The following URB1 variants were observed in gnomAD, a reference collection of about 807,000 sequenced individuals.
URB1 encodes the protein nucleolar pre-ribosomal-associated protein 1.
URB1 carries 197 observed loss-of-function variants against 242.3 expected under a neutral mutation model. The ratio of observed to expected loss-of-function variants is 0.81; its 90% CI spans 0.72 to 0.91. The LOEUF (loss-of-function observed/expected upper bound fraction) is 0.91. URB1 is among the 40% of genes least tolerant of loss of function. The pLI is 0.00. For missense variants in URB1, 2,721 were observed against 2,860.5 expected (o/e 0.95, Z 1.11); for synonymous variants, 1,153 against 1,201.8 (o/e 0.96, Z 0.84).
intron 10 of URB1, among the ~76,000 whole-genome samples, chr21:32,364,194 A>AGTAG (rs944110534): frequency 6.6e-6 from 1 of 152,140 alleles, no homozygotes; most frequent in African/African-American, 2.4e-5. Flanking sequence ...GCAGAGACTG[A>AGTAG]GTAGGGTTCA....
intron 4 of URB1, among the ~76,000 whole-genome samples, chr21:32,379,265 ATCTAAGGAAC>A (rs1340561036): frequency 6.6e-6 from 1 of 152,216 alleles, no homozygotes; most frequent in Non-Finnish European, 1.5e-5. Context: ...CTCGTTTTGT[ATCTAAGGAAC>A]TCAAGGCATG....
At chr21:32,392,014 A>G (rs2033644535) in intron 1 of URB1, among the ~76,000 whole-genome samples, 1 of 146,794 alleles carries the variant, frequency 6.8e-6, no homozygotes, top group Non-Finnish European at 1.5e-5. Context: ...ACAGAGCAAG[A>G]CCCTGTCGTT....
intron 8 of URB1, among the ~76,000 whole-genome samples, chr21:32,370,515 G>A (rs946861169): frequency 2.0e-5 from 3 of 152,176 alleles, no homozygotes; most frequent in Non-Finnish European, 4.4e-5. Flanking sequence ...TTTATGTAGT[G>A]CACAACACAT....
At chr21:32,341,382 A>G in intron 25 of URB1, 84 bp downstream of exon 25, 2 of 1,362,984 alleles carry the variant, frequency 1.5e-6, no homozygotes, top group Non-Finnish European at 2.0e-6. Context: ...GATTATGCTA[A>G]TAACAAGCTA....
At position 32,354,010 on chromosome 21, in the gene URB1, G is replaced by A. The variant is rs375753739; in HGVS notation, c.2339C>T (p.Thr780Met). 30 of 1,551,626 alleles carry A rather than the reference G, an allele frequency of 1.9e-5. No individual in the cohort carries two copies. The highest frequency in any genetic ancestry group is 1.5e-4 in the African/African-American group (11 of 73,028). Residue 780 changes from threonine (T) to methionine (M), a missense_variant, in exon 18 of 39, where the codon ACG becomes ATG. Transcript: ENST00000382751. ...FTLSEDMILL[T>M]FPFSAVVPAA... is the part of the protein sequence containing the mutation. ...AGGGACTACCGCACTGAATGGGAACGTGAGCAGGATCATGTCTTCACTCAA... is the reference window on the plus strand; with the variant it reads ...AGGGACTACCGCACTGAATGGGAACATGAGCAGGATCATGTCTTCACTCAA...
intron 30 of URB1, among the ~76,000 whole-genome samples, chr21:32,332,492 T>A (rs372192681): frequency 5.8e-3 from 9 of 1,540 alleles, no homozygotes; most frequent in African/African-American, 0.012. Context: ...AAAAAAAAAA[T>A]CCCCAAACTC....
intron 8 of URB1, among the ~76,000 whole-genome samples, chr21:32,370,238 A>G (rs1007151830): frequency 2.6e-5 from 4 of 152,284 alleles, no homozygotes; most frequent in African/African-American, 9.6e-5. Context: ...CATCCCCCTT[A>G]TAAATTGAGT....
chr21:32,381,426 TAAA>T (rs5843552), intron 4 of URB1, among the ~76,000 whole-genome samples: 1 of 137,112 alleles, frequency 7.3e-6, no homozygotes, highest in Admixed American at 7.3e-5. Flanking sequence ...ATATATTCAT[TAAA>T]AAAAAAAAAA....
In URB1 at chr21:32,389,732, G is replaced by A. The variant is rs573134959; in HGVS notation, c.142+3037C>T. Among the ~76,000 whole-genome samples, 10 of 152,324 alleles carry A rather than the reference G, an allele frequency of 6.6e-5. No individual in the cohort carries two copies. In the South Asian group the frequency reaches 2.1e-3, roughly 32 times the overall value. On this transcript the variant is annotated intron_variant, in intron 1 of 38. Coordinates refer to ENST00000382751, the MANE Select transcript of URB1 (RefSeq NM_014825.3). ...GGAGATCAAGAGTTTAACCATTAGT[G>A]TACTCTCTTACAGTATGGCCTTTTC...
At position 32,347,665 on chromosome 21, in the gene URB1, A is replaced by G; in HGVS notation, c.3159T>C (p.Leu1053=). The stretch of plus-strand genomic sequence containing the variant: ...TCGGGGCACTTGCTGCCAGCAGCTG[A>G]AGGACCCCTGCACTAAAGTGGGTGG... The part of the protein sequence containing the change: ...LLATHFSAGV[L]QLLAASAPIL... The change falls in exon 22 of 39, where the codon CTT becomes CTC. Residue 1053 remains leucine (L), a synonymous_variant. Transcript: ENST00000382751. 6.4e-7 allele frequency: 1 copy of G among 1,551,592 alleles called. No individual in the cohort carries two copies. Among genetic ancestry groups the G allele is most frequent in the Non-Finnish European group, 8.7e-7 (1 of 1,147,004 alleles).
At position 32,314,617 on chromosome 21, in the gene URB1, T is replaced by A; in HGVS notation, c.*301A>T. On this transcript the variant is annotated 3_prime_UTR_variant, in exon 39 of 39. Coordinates refer to ENST00000382751, the MANE Select transcript of URB1 (RefSeq NM_014825.3). ...CTCAAACTCGAGCTATTTCCTGTGA[T>A]GAGCTCCAAGCCCCTAGAGAGGAAG... 6.2e-7 allele frequency: 1 copy of A among 1,614,248 alleles called. No individual in the cohort carries two copies. The highest frequency in any genetic ancestry group is 8.5e-7 in the Non-Finnish European group (1 of 1,180,042).
intron 30 of URB1, among the ~76,000 whole-genome samples, chr21:32,331,046 GT>G: frequency 6.6e-6 from 1 of 152,316 alleles, no homozygotes. Context: ...AAAATTTCAA[GT>G]TTAAAAAGGA....
At chr21:32,331,490 A>G (rs2032892249) in intron 30 of URB1, among the ~76,000 whole-genome samples, 2 of 152,222 alleles carry the variant, frequency 1.3e-5, no homozygotes. Flanking sequence ...TCTGGAAGGT[A>G]GAAAGAAAGC....
chr21:32,336,962 G>C, intron 28 of URB1, 132 bp downstream of exon 28: 1 of 885,598 alleles, frequency 1.1e-6, no homozygotes, highest in Non-Finnish European at 1.8e-6. Flanking sequence ...GTGTGAGTCA[G>C]GGGAGTGCTG....
chr21:32,355,052 G>A, intron 16 of URB1, 55 bp from the exon 17 acceptor site: 2 of 1,498,196 alleles, frequency 1.3e-6, no homozygotes, highest in African/African-American at 1.4e-5. Context: ...GTGAAATGAA[G>A]AAGCCAAAAA....
At chr21:32,335,216 A>G (rs2032944214) in intron 28 of URB1, 1 of 152,774 alleles carries the variant, frequency 6.5e-6, no homozygotes, top group Admixed American at 6.6e-5. Flanking sequence ...CCTTTCCCCA[A>G]ATGTCCTGAG....
chr21:32,349,717 C>G (rs960845709), intron 20 of URB1, among the ~76,000 whole-genome samples: 2 of 152,224 alleles, frequency 1.3e-5, no homozygotes, highest in African/African-American at 2.4e-5. Flanking sequence ...CTGAAAGGGA[C>G]AGGCCCACCT....
intron 28 of URB1, among the ~76,000 whole-genome samples, chr21:32,334,619 CACA>C (rs2032936412): frequency 2.0e-5 from 3 of 152,158 alleles, no homozygotes; most frequent in Admixed American, 6.5e-5. Context: ...ACTCAATCTG[CACA>C]ACATCTCCAT....
chr21:32,316,531 G>A lies in URB1; in HGVS notation c.6569C>T (p.Pro2190Leu). The A allele has an allele frequency of 6.5e-7, 1 of 1,550,300 alleles. No homozygotes were observed. The highest frequency in any genetic ancestry group is 1.2e-5 in the South Asian group (1 of 83,884). ...GAGGGCTTCCATGGCCGGGTGGAAG[G>A]GGCTCCCTGCCCGGCCCTGGGCAGC... ...LVAAQGRAGSPFHPAMEALSL... is the reference protein window; with the variant it reads ...LVAAQGRAGSLFHPAMEALSL... Residue 2190 changes from proline to leucine, a missense_variant, in exon 38 of 39, where the codon CCC (proline) becomes CTC (leucine). Physicochemically the swap from Pro to Leu is moderately conservative, Grantham distance 98. Coordinates refer to ENST00000382751, the MANE Select transcript of URB1 (RefSeq NM_014825.3).
Sources: gnomAD v4.1 joint callset for allele counts (sites outside exome capture counted in the v4.1 genomes callset) on GRCh38, gnomAD v4.1.1 for gene constraint, MANE v1.5 for transcripts, NCBI Gene and HGNC (gene_info 2026-07-23, HGNC 2026-07-21) for gene names.